Variants in CASR observed in about 807,000 individuals in gnomAD.
CASR encodes the protein extracellular calcium-sensing receptor.
CASR carries 23 observed loss-of-function variants against 69.1 expected under a neutral mutation model. That is an observed-to-expected ratio of 0.33 (90% CI 0.24 to 0.47). The LOEUF is 0.47. CASR is among the 20% of genes least tolerant of loss of function. CASR has a pLI of 1.00. For synonymous variants in CASR, 541 were observed against 544.7 expected (o/e 0.99, Z 0.10); for missense variants, 924 against 1,356.1 (o/e 0.68, Z 5.00).
intron 1 of CASR, among the ~76,000 whole-genome samples, chr3:122,251,416 G>A (rs1052729715): frequency 6.6e-6 from 1 of 152,154 alleles, no homozygotes; most frequent in Non-Finnish European, 1.5e-5. Context: ...GGTTAATGTG[G>A]GCTGAAATCC....
chr3:122,262,216 T>A lies in CASR; in HGVS notation c.1181T>A (p.Leu394His), dbSNP rs2107633055. Residue 394 changes from leucine to histidine, a missense_variant, in exon 4 of 7, where the codon CTC (leucine) becomes CAC (histidine). Around this residue, in one of 8 missense-constraint regions of CASR, gnomAD observed 310 missense variants for 395.7 expected, o/e 0.78. Transcript: ENST00000639785. ...AACAGCTCGACAGCCTTCCGACCCC[T>A]CTGTACAGGGGATGAGAACATCAGC... is the stretch of plus-strand genomic sequence containing the variant. ...FSNSSTAFRP[L>H]CTGDENISSV... The A allele has an allele frequency of 6.8e-6, 11 of 1,614,170 alleles. No individual in the cohort carries two copies. The highest frequency in any genetic ancestry group is 1.7e-5 in the Admixed American group (1 of 60,030).
At chr3:122,252,252 T>C (rs1221112962) in intron 1 of CASR, among the ~76,000 whole-genome samples, 2 of 149,650 alleles carry the variant, frequency 1.3e-5, no homozygotes, top group Admixed American at 6.7e-5. Context: ...TGAGCTGTGA[T>C]GGCGCCACTG....
At chr3:122,282,787 T>C (rs2074908188) in intron 6 of CASR, among the ~76,000 whole-genome samples, 1 of 152,248 alleles carries the variant, frequency 6.6e-6, no homozygotes, top group South Asian at 2.1e-4. Flanking sequence ...ATATTAACTA[T>C]AGTTGATATT....
chr3:122,212,970 T>C (rs113510941), intron 1 of CASR, among the ~76,000 whole-genome samples: 364 of 152,296 alleles, frequency 2.4e-3, no homozygotes, highest in African/African-American at 8.2e-3. Context: ...AGCAAGTTAC[T>C]TCATTGTTCT....
chr3:122,260,123 G>GCT (rs2074602643), intron 3 of CASR, among the ~76,000 whole-genome samples: 1 of 152,164 alleles, frequency 6.6e-6, no homozygotes, highest in South Asian at 2.1e-4. Flanking sequence ...CTGCAAATGA[G>GCT]CTGAAGCCGG....
chr3:122,234,588 T>G (rs2074311487), intron 1 of CASR, among the ~76,000 whole-genome samples: 1 of 152,224 alleles, frequency 6.6e-6, no homozygotes, highest in Admixed American at 6.5e-5. Flanking sequence ...TTATTTCAAA[T>G]GGAATTTAGT....
At chr3:122,269,370 T>G (rs1329491216) in intron 4 of CASR, among the ~76,000 whole-genome samples, 3 of 152,226 alleles carry the variant, frequency 2.0e-5, no homozygotes, top group Admixed American at 6.5e-5. Context: ...ATGCCCTTTA[T>G]AGAGTTGAGA....
chr3:122,257,283 A>G lies in CASR; in HGVS notation c.388A>G (p.Asn130Asp). 1 of 1,614,152 alleles carries G rather than the reference A, an allele frequency of 6.2e-7. No individual in the cohort carries two copies. Among genetic ancestry groups the G allele is most frequent in the Non-Finnish European group, 8.5e-7 (1 of 1,179,970 alleles). The change falls in exon 3 of 7, where the codon AAC becomes GAC. Residue 130 changes from asparagine (N) to aspartate (D), a missense_variant. Physicochemically the swap from Asn to Asp is conservative, Grantham distance 23. Transcript: ENST00000639785. ...IDSLNLDEFC[N>D]CSEHIPSTIA... ...TTCTTTGAACCTTGATGAGTTCTGC[A>G]ACTGCTCAGAGCACATTCCCTCTAC...
At chr3:122,240,276 G>A (rs755349028) in intron 1 of CASR, among the ~76,000 whole-genome samples, 1 of 152,134 alleles carries the variant, frequency 6.6e-6, no homozygotes, top group Non-Finnish European at 1.5e-5. Context: ...ATGATCTGTT[G>A]CCTATAAGAA....
In CASR at chr3:122,289,924, A is replaced by G. The variant is rs1320932725; in HGVS notation, c.*4733A>G. The stretch of plus-strand genomic sequence containing the variant: ...AAACCCCATCTCTACAAACAATAAA[A>G]AAAAAAAACAGCTGGACATGGTGGC... On this transcript the variant is annotated 3_prime_UTR_variant, in exon 7 of 7. Coordinates refer to ENST00000639785, the MANE Select transcript of CASR (RefSeq NM_000388.4). 6.6e-6 allele frequency: 1 copy of G among 151,714 alleles called. No individual in the cohort carries two copies. The allele number at this position is 151,714 out of a possible 1,614,324, so 9.4% of individuals were successfully genotyped here. A position where few individuals can be genotyped will look rare whatever the true frequency, so the allele number is the denominator to read the frequency against.
chr3:122,209,913 G>C (rs2074045350), intron 1 of CASR, among the ~76,000 whole-genome samples: 1 of 152,144 alleles, frequency 6.6e-6, no homozygotes, highest in South Asian at 2.1e-4. Flanking sequence ...TTCATCCCCA[G>C]GATGCAAGGC....
intron 1 of CASR, chr3:122,247,748 C>T (rs1470040897): frequency 6.6e-6 from 1 of 152,314 alleles, no homozygotes; most frequent in Non-Finnish European, 1.5e-5. Context: ...TCAAGGAGCT[C>T]AGGATGCAGC....
At chr3:122,265,120 C>T (rs2074676109) in intron 4 of CASR, among the ~76,000 whole-genome samples, 2 of 152,230 alleles carry the variant, frequency 1.3e-5, no homozygotes, top group South Asian at 4.1e-4. Context: ...AATCCACTTT[C>T]CCCTGGAAGT....
Position 122,228,836 on chromosome 3 carries a change from A to C in CASR, c.-242-25112A>C, listed in dbSNP as rs187527089. Among the ~76,000 whole-genome samples the C allele has an allele frequency of 3.3e-5, 5 of 152,280 alleles. No individual in the cohort carries two copies. The South Asian group carries it at 6.2e-4, about 19-fold the overall frequency. On this transcript the variant is annotated intron_variant, in intron 1 of 6. Transcript: ENST00000639785. Reference sequence around the variant, plus strand: ...AAGGGCCCAGAACCACCGCTGTGCCACTACCCCTGAGACTCCACCATCCTC... The same window carrying C: ...AAGGGCCCAGAACCACCGCTGTGCCCCTACCCCTGAGACTCCACCATCCTC...
At chr3:122,230,307 C>G (rs981548514) in intron 1 of CASR, among the ~76,000 whole-genome samples, 25 of 152,240 alleles carry the variant, frequency 1.6e-4, no homozygotes, top group Non-Finnish European at 5.9e-5. Flanking sequence ...CCAGGGAAAA[C>G]GCTCCTTTAG....
intron 5 of CASR, among the ~76,000 whole-genome samples, chr3:122,278,137 T>C (rs2074844916): frequency 6.6e-6 from 1 of 152,184 alleles, no homozygotes; most frequent in African/African-American, 2.4e-5. Context: ...TGAGATCAAA[T>C]GAGATCAAGG....
At chr3:122,264,332 G>A (rs1559960777) in intron 4 of CASR, among the ~76,000 whole-genome samples, 1 of 152,158 alleles carries the variant, frequency 6.6e-6, no homozygotes, top group Non-Finnish European at 1.5e-5. Flanking sequence ...GTAGCAGCTT[G>A]AAGCTAGGAT....
chr3:122,214,361 A>G (rs1022733976), intron 1 of CASR, among the ~76,000 whole-genome samples: 5 of 152,128 alleles, frequency 3.3e-5, no homozygotes, highest in Admixed American at 3.3e-4. Flanking sequence ...GTATAGACAA[A>G]CAATTGCAGA....
intron 1 of CASR, among the ~76,000 whole-genome samples, chr3:122,238,875 T>A (rs1426490148): frequency 6.6e-6 from 1 of 152,150 alleles, no homozygotes; most frequent in East Asian, 1.9e-4. Context: ...CCTGACAGAA[T>A]ATATCACCTG....
Sources: allele counts gnomAD v4.1 joint callset (sites outside exome capture counted in the v4.1 genomes callset), GRCh38; gene constraint gnomAD v4.1.1; regional missense constraint gnomAD v4.1.1; transcripts MANE v1.5; gene names NCBI Gene and HGNC (gene_info 2026-07-23, HGNC 2026-07-21).